Variants in KCNN2 observed in about 807,000 individuals in gnomAD.
KCNN2 encodes small conductance calcium-activated potassium channel protein 2.
In KCNN2, 24 loss-of-function variants were observed where a neutral mutation model predicts 55.5. That is an observed-to-expected ratio of 0.43 (90% CI 0.31 to 0.61). The LOEUF is 0.61. Ranked by LOEUF, KCNN2 falls within the 20% of genes least tolerant of loss-of-function variation. The pLI is 0.08. For missense variants in KCNN2, 754 were observed against 853.6 expected, an observed-to-expected ratio of 0.88 and a Z score of 1.45; for synonymous variants, 431 against 336.1, an observed-to-expected ratio of 1.28 and a Z score of -3.09.
intron 3 of KCNN2, among the ~76,000 whole-genome samples, chr5:114,416,762 A>C (rs1358402945): frequency 6.6e-6 from 1 of 152,212 alleles, no homozygotes; most frequent in East Asian, 1.9e-4. Flanking sequence ...TTTAAAAATA[A>C]GATTTTACGG....
chr5:114,420,720 C>T (rs1580814124), intron 3 of KCNN2, among the ~76,000 whole-genome samples: 2 of 152,250 alleles, frequency 1.3e-5, no homozygotes, highest in South Asian at 4.1e-4. Flanking sequence ...ATTAAGAAAG[C>T]ATTCACAGAA....
chr5:114,341,859 G>A lies in KCNN2; in HGVS notation c.-184-19086G>A, dbSNP rs186685677. On this transcript the variant is annotated intron_variant, in intron 2 of 10. Transcript: ENST00000512097. Reference sequence around the variant, plus strand: ...TTGATAATGACACAGCCTACTGTTGGTTAAAATAGAGCATAAAACAGACAC... The same window carrying A: ...TTGATAATGACACAGCCTACTGTTGATTAAAATAGAGCATAAAACAGACAC... 5.1e-3 allele frequency among the ~76,000 whole-genome samples: 767 copies of A among 150,598 alleles called. 6 individuals are homozygous for A. Among genetic ancestry groups the A allele is most frequent in the Non-Finnish European group, 8.0e-3 (540 of 67,792 alleles).
intron 2 of KCNN2, among the ~76,000 whole-genome samples, chr5:114,272,246 T>C (rs1457335248): frequency 1.3e-5 from 2 of 151,820 alleles, no homozygotes; most frequent in African/African-American, 4.9e-5. Flanking sequence ...TGTGTGTACA[T>C]ATCATATACA....
At position 114,420,030 on chromosome 5, in the gene KCNN2, A is replaced by G. The variant is rs532990678; in HGVS notation, c.1637+15174A>G. On this transcript the variant is annotated intron_variant, in intron 3 of 7. Transcript: ENST00000673685. The stretch of plus-strand genomic sequence containing the variant: ...AGCTACCTTCTCCATTCATCTACAG[A>G]GAATGCAGTAAGATATGAAAGAATT... Among the ~76,000 whole-genome samples the G allele has an allele frequency of 2.6e-5, 4 of 152,326 alleles. No individual in the cohort carries two copies. In the East Asian group the frequency reaches 7.7e-4, roughly 29 times the overall value.
chr5:114,292,309 G>A (rs1755907704), intron 2 of KCNN2, among the ~76,000 whole-genome samples: 1 of 152,194 alleles, frequency 6.6e-6, no homozygotes, highest in African/African-American at 2.4e-5. Flanking sequence ...TTCTTCTAGG[G>A]TTTTTATGGG....
rs137887378 is a variant in KCNN2 at position 114,104,725 on chromosome 5, C to G, written c.-271+48225C>G. Among the ~76,000 whole-genome samples, 116 of 151,916 alleles carry G rather than the reference C, an allele frequency of 7.6e-4. 5 individuals are homozygous for G. The East Asian group carries it at 0.021, about 28-fold the overall frequency. ...ATGCTGTGGGAGTGCATGAGAGGGC[C>G]GCCTACCTCAGAATGGGGAGATGGA... On this transcript the variant is annotated intron_variant, in intron 1 of 10. Transcript: ENST00000512097.
intron 2 of KCNN2, among the ~76,000 whole-genome samples, chr5:114,237,944 CA>C (rs1477499616): frequency 2.0e-5 from 3 of 152,178 alleles, no homozygotes; most frequent in African/African-American, 4.8e-5. Flanking sequence ...ATGGAGGAAG[CA>C]TACCAGCTTC....
intron 2 of KCNN2, among the ~76,000 whole-genome samples, chr5:114,302,556 CA>C (rs752009483): frequency 6.6e-6 from 1 of 151,666 alleles, no homozygotes; most frequent in Non-Finnish European, 1.5e-5. Context: ...GGGTGGTTGG[CA>C]AAAGAAAGAA....
intron 1 of KCNN2, among the ~76,000 whole-genome samples, chr5:114,093,747 C>T (rs1751196805): frequency 6.6e-6 from 1 of 152,174 alleles, no homozygotes; most frequent in Non-Finnish European, 1.5e-5. Context: ...TGAGAACTCA[C>T]TTATTATCAC....
intron 5 of KCNN2, among the ~76,000 whole-genome samples, chr5:114,482,603 A>G (rs1762274888): frequency 6.6e-6 from 1 of 152,216 alleles, no homozygotes; most frequent in Admixed American, 6.5e-5. Context: ...ACTATTCACT[A>G]TAGCAAAGAC....
chr5:114,177,297 C>T (rs1005171069), intron 1 of KCNN2, among the ~76,000 whole-genome samples: 53 of 152,020 alleles, frequency 3.5e-4, no homozygotes, highest in Non-Finnish European at 2.4e-4. Context: ...GCCACCGCGC[C>T]CGGCTAATGT....
chr5:114,148,351 CA>C (rs1336078022), intron 1 of KCNN2, among the ~76,000 whole-genome samples: 1 of 152,108 alleles, frequency 6.6e-6, no homozygotes, highest in Non-Finnish European at 1.5e-5. Context: ...TTTTGTGCAA[CA>C]AACACAGACG....
intron 1 of KCNN2, among the ~76,000 whole-genome samples, chr5:114,148,800 A>G (rs866414711): frequency 6.6e-6 from 1 of 152,140 alleles, no homozygotes; most frequent in African/African-American, 2.4e-5. Context: ...GAAAACAAGG[A>G]GAGATCAAAT....
intron 1 of KCNN2, among the ~76,000 whole-genome samples, chr5:114,149,183 A>G (rs1024909378): frequency 1.3e-5 from 2 of 152,250 alleles, no homozygotes; most frequent in Middle Eastern, 3.4e-3. Flanking sequence ...TTAGAATGTG[A>G]TTGTCCCATA....
At chr5:114,416,510 A>T (rs1759309992) in intron 3 of KCNN2, among the ~76,000 whole-genome samples, 1 of 152,164 alleles carries the variant, frequency 6.6e-6, no homozygotes, top group Non-Finnish European at 1.5e-5. Context: ...ACTGTTCTTT[A>T]TACTGTGCTT....
chr5:114,362,883 C>T lies in KCNN2; in HGVS notation c.744C>T (p.Pro248=). Residue 248 remains proline (P), a synonymous_variant, in exon 1 of 8, where the codon CCC becomes CCT. Transcript: ENST00000673685. The part of the protein sequence containing the change: ...EMDSEAQPLQ[P]PASVGGGGGA... ...ACTCAGAGGCGCAGCCCCTGCAGCC[C>T]CCCGCGTCTGTCGGAGGAGGTGGCG... is the stretch of plus-strand genomic sequence containing the variant. 2.5e-6 allele frequency: 4 copies of T among 1,598,444 alleles called. No individual in the cohort carries two copies. The highest frequency in any genetic ancestry group is 3.4e-6 in the Non-Finnish European group (4 of 1,178,778).
At chr5:114,359,081 T>A (rs915428032), upstream of KCNN2, among the ~76,000 whole-genome samples, 1 of 152,150 alleles carries the variant, frequency 6.6e-6, no homozygotes, top group African/African-American at 2.4e-5. Context: ...GACGGCTGAG[T>A]GTGTGTAATC....
At chr5:114,132,043 GGA>G (rs1361362257) in intron 1 of KCNN2, among the ~76,000 whole-genome samples, 1 of 152,004 alleles carries the variant, frequency 6.6e-6, no homozygotes, top group East Asian at 1.9e-4. Flanking sequence ...TTTGTCAGAC[GGA>G]TAGATTGCAA....
At chr5:114,388,817 T>C (rs190191435) in intron 2 of KCNN2, among the ~76,000 whole-genome samples, 1 of 152,318 alleles carries the variant, frequency 6.6e-6, no homozygotes, top group Non-Finnish European at 1.5e-5. Context: ...ATCAGTTTTT[T>C]TTATTTTAAC....
Sources: allele counts gnomAD v4.1 joint callset (sites outside exome capture counted in the v4.1 genomes callset), GRCh38; gene constraint gnomAD v4.1.1; transcripts MANE v1.5; gene names NCBI Gene and HGNC (gene_info 2026-07-23, HGNC 2026-07-21).